Variants in MID1 observed in about 807,000 individuals in gnomAD.
The protein encoded by MID1 is midline 1.
MID1 carries 7 observed loss-of-function variants against 40.4 expected under a neutral mutation model. That is an observed-to-expected ratio of 0.17 (90% CI 0.10 to 0.33). MID1 has a LOEUF of 0.33. Among genes scored for constraint, MID1 ranks in the 10% least tolerant of loss-of-function variants. The pLI is 1.00. For missense variants in MID1, 367 were observed against 558.5 expected (o/e 0.66, Z 3.46); for synonymous variants, 229 against 221.2 (o/e 1.04, Z -0.31).
Position 10,655,949 on chromosome X carries a change from G to T in MID1, c.-186-35530C>A, listed in dbSNP as rs1201645564. Among the ~76,000 whole-genome samples the T allele has an allele frequency of 2.7e-5, 3 of 111,186 alleles. No homozygotes were observed. In the East Asian group the frequency reaches 8.5e-4, roughly 32 times the overall value. On this transcript the variant is annotated intron_variant, in intron 1 of 10. Coordinates refer to the MID1 transcript ENST00000380785. ...AGCCAAGCAGAAGAATTGCCCAGCT[G>T]AATCCAGCTAATTGCTGACCCACAG...
At chrX:10,821,498 G>A (rs1228964463) in intron 1 of MID1, among the ~76,000 whole-genome samples, 4 of 112,091 alleles carry the variant, frequency 3.6e-5, no homozygotes, top group Admixed American at 9.4e-5. Flanking sequence ...TCACTCACCC[G>A]TTGGCTGGCT....
chrX:10,611,851 C>T (rs1381817672), intron 1 of MID1, among the ~76,000 whole-genome samples: 2 of 110,930 alleles, frequency 1.8e-5, no homozygotes, highest in East Asian at 2.8e-4. Flanking sequence ...ATTGCTCATC[C>T]GAAGGGATGA....
intron 9 of MID1, among the ~76,000 whole-genome samples, chrX:10,452,996 C>CT (rs1205360356): frequency 1.8e-5 from 2 of 111,776 alleles, no homozygotes; most frequent in African/African-American, 3.3e-5. Context: ...GAAACATTTG[C>CT]TTTTTTTGTA....
Position 10,567,508 on chromosome X carries a change from G to C in MID1, c.40C>G (p.Leu14Val). 8.3e-7 allele frequency: 1 copy of C among 1,211,778 alleles called. No homozygotes were observed. Among genetic ancestry groups the C allele is most frequent in the Non-Finnish European group, 1.1e-6 (1 of 895,501 alleles). The change falls in exon 2 of 10, where the codon CTG becomes GTG. Residue 14 changes from leucine to valine, a missense_variant. Leu to Val is a conservative substitution (Grantham distance 32). Transcript: ENST00000317552. ...LESELTCPIC[L>V]ELFEDPLLLP... The stretch of plus-strand genomic sequence containing the variant: ...AGAAGAGGGTCCTCAAAGAGCTCCA[G>C]ACAAATAGGGCAGGTCAGTTCTGAC...
At chrX:10,511,658 A>C (rs1252607769) in intron 3 of MID1, among the ~76,000 whole-genome samples, 1 of 112,257 alleles carries the variant, frequency 8.9e-6, no homozygotes, top group Non-Finnish European at 1.9e-5. Flanking sequence ...CAAAGTGCTG[A>C]GATTACAGGT....
At chrX:10,613,766 G>GAGAGAGAGACAGAC (rs1555910257) in intron 1 of MID1, among the ~76,000 whole-genome samples, 1 of 75,770 alleles carries the variant, frequency 1.3e-5, no homozygotes, top group African/African-American at 6.2e-5. Context: ...GAGAGAGAGA[G>GAGAGAGAGACAGAC]AGACAGACAG....
At chrX:10,535,066 G>C (rs1370103298) in intron 2 of MID1, among the ~76,000 whole-genome samples, 3 of 112,327 alleles carry the variant, frequency 2.7e-5, no homozygotes, top group Non-Finnish European at 5.6e-5. Context: ...CGACTGAGTT[G>C]AAAGAAATGT....
chrX:10,722,742 A>AT (rs1441475815), intron 1 of MID1, among the ~76,000 whole-genome samples: 1 of 112,087 alleles, frequency 8.9e-6, no homozygotes, highest in African/African-American at 3.2e-5. Flanking sequence ...ATGTCCTGAA[A>AT]TTTAAGTTTC....
intron 1 of MID1, among the ~76,000 whole-genome samples, chrX:10,689,636 G>A (rs2043120508): frequency 9.0e-6 from 1 of 110,645 alleles, no homozygotes; most frequent in African/African-American, 3.3e-5. Flanking sequence ...TGCCTGTCTA[G>A]TCTTTTTTTC....
At chrX:10,711,824 G>C (rs1246645371) in intron 1 of MID1, among the ~76,000 whole-genome samples, 3 of 112,096 alleles carry the variant, frequency 2.7e-5, no homozygotes, top group African/African-American at 9.7e-5. Context: ...TTAATGCAGT[G>C]GGTCTCAACA....
At position 10,451,055 on chromosome X, in the gene MID1, G is replaced by A. The variant is rs1335731279; in HGVS notation, c.1656-1339C>T. Among the ~76,000 whole-genome samples the A allele has an allele frequency of 1.2e-4, 13 of 111,814 alleles. No homozygotes were observed. The Admixed American group carries it at 1.2e-3, about 11-fold the overall frequency. On this transcript the variant is annotated intron_variant, in intron 9 of 9. Coordinates refer to ENST00000317552, the MANE Select transcript of MID1 (RefSeq NM_000381.4). ...AAAATACAATCACTTTAAGAGTGGT[G>A]TGTTTGTTTAAAAAGAAAATTAACA...
At chrX:10,593,343 T>C (rs1292959832) in intron 1 of MID1, among the ~76,000 whole-genome samples, 1 of 111,963 alleles carries the variant, frequency 8.9e-6, no homozygotes, top group African/African-American at 3.2e-5. Context: ...GCACTAGTGT[T>C]TAGTTTCCCA....
At chrX:10,679,984 G>T (rs889590113) in intron 1 of MID1, among the ~76,000 whole-genome samples, 4 of 112,266 alleles carry the variant, frequency 3.6e-5, no homozygotes, top group African/African-American at 1.3e-4. Flanking sequence ...AATTAGTAAA[G>T]AATTAGAATA....
intron 2 of MID1, among the ~76,000 whole-genome samples, chrX:10,546,135 G>T (rs1933672548): frequency 8.9e-6 from 1 of 111,760 alleles, no homozygotes; most frequent in African/African-American, 3.3e-5. Context: ...GGGCATTTTG[G>T]GCATGCCTGA....
chrX:10,821,884 G>A (rs1255460300), intron 1 of MID1, among the ~76,000 whole-genome samples: 1 of 110,562 alleles, frequency 9.0e-6, no homozygotes. Context: ...CCTTAGTCCT[G>A]CACCTGTTTG....
At chrX:10,698,675 T>C (rs1249942302) in intron 1 of MID1, among the ~76,000 whole-genome samples, 1 of 107,259 alleles carries the variant, frequency 9.3e-6, no homozygotes, top group East Asian at 2.9e-4. Flanking sequence ...GTCATAAGGA[T>C]TATTTTGAGC....
intron 7 of MID1, among the ~76,000 whole-genome samples, chrX:10,468,944 A>G (rs1322753640): frequency 8.9e-6 from 1 of 112,457 alleles, no homozygotes; most frequent in African/African-American, 3.2e-5. Flanking sequence ...ATAAAACTAA[A>G]TGTATGATAA....
intron 1 of MID1, among the ~76,000 whole-genome samples, chrX:10,631,760 A>C (rs1569133102): frequency 8.9e-6 from 1 of 111,957 alleles, no homozygotes; most frequent in Non-Finnish European, 1.9e-5. Context: ...CAAAATATTT[A>C]TCATTTGAAA....
intron 1 of MID1, among the ~76,000 whole-genome samples, chrX:10,571,657 T>C (rs961503872): frequency 1.8e-5 from 2 of 110,689 alleles, no homozygotes; most frequent in African/African-American, 6.6e-5. Flanking sequence ...CTCATGCCTG[T>C]AATCCCAGCA....
Sources: allele counts gnomAD v4.1 joint callset (sites outside exome capture counted in the v4.1 genomes callset), GRCh38; gene constraint gnomAD v4.1.1; transcripts MANE v1.5; gene names NCBI Gene and HGNC (gene_info 2026-07-23, HGNC 2026-07-21).